Variants in TUBB8 observed in about 807,000 individuals in gnomAD.
TUBB8 encodes the protein tubulin beta-8 chain.
A neutral mutation model predicts 33.7 loss-of-function variants in TUBB8; 25 were observed. The observed-to-expected ratio is 0.74, with a 90% CI of 0.54 to 1.04. The LOEUF (loss-of-function observed/expected upper bound fraction) is 1.04. TUBB8 is among the 50% of genes least tolerant of loss of function. The pLI is 0.00. For synonymous variants in TUBB8, 245 were observed against 240.1 expected (o/e 1.02, Z -0.19); for missense variants, 279 against 608.0 (o/e 0.46, Z 5.69).
chr10:70,560 A>G (rs111659625), intron 1 of TUBB8, among the ~76,000 whole-genome samples: 343 of 152,318 alleles, frequency 2.3e-3, no homozygotes, highest in African/African-American at 7.6e-3. Context: ...GTCAAATAAG[A>G]GAAACTTATT....
At chr10:68,564 C>A (rs1490475621) in intron 1 of TUBB8, among the ~76,000 whole-genome samples, 1 of 152,214 alleles carries the variant, frequency 6.6e-6, no homozygotes, top group Non-Finnish European at 1.5e-5. Flanking sequence ...GATGCCATCT[C>A]TGCTTTACTG....
chr10:53,965 T>C (rs1241020701), upstream of TUBB8, among the ~76,000 whole-genome samples: 1 of 152,144 alleles, frequency 6.6e-6, no homozygotes, highest in South Asian at 2.1e-4. Flanking sequence ...CATACTTTGA[T>C]ACAGGCATGC....
intron 1 of TUBB8, among the ~76,000 whole-genome samples, chr10:71,868 C>A (rs1399524727): frequency 6.6e-6 from 1 of 151,674 alleles, no homozygotes; most frequent in Non-Finnish European, 1.5e-5. Flanking sequence ...CATGATCACA[C>A]CACCGCACTC....
chr10:57,664 C>A (rs1554740342), intron 1 of TUBB8, among the ~76,000 whole-genome samples: 1 of 152,186 alleles, frequency 6.6e-6, no homozygotes, highest in Non-Finnish European at 1.5e-5. Flanking sequence ...GAGCCATGTT[C>A]TAAGGCTACC....
chr10:50,572 T>G (rs1160243034), upstream of TUBB8, among the ~76,000 whole-genome samples: 2 of 152,166 alleles, frequency 1.3e-5, no homozygotes, highest in African/African-American at 4.8e-5. Context: ...ACTCACTTTT[T>G]GGCAGCAAAG....
chr10:72,254 T>TAAAAAA (rs34999592), intron 1 of TUBB8, among the ~76,000 whole-genome samples: 515 of 124,436 alleles, frequency 4.1e-3, no homozygotes, highest in African/African-American at 0.015. Flanking sequence ...TTTTTTTAAT[T>TAAAAAA]AAAAAAAAAA....
upstream of TUBB8, among the ~76,000 whole-genome samples, chr10:75,272 C>G (rs1423914773): frequency 1.3e-5 from 2 of 151,976 alleles, no homozygotes; most frequent in Admixed American, 6.6e-5. Flanking sequence ...TTGCTGGAGC[C>G]CAGGACACCG....
At chr10:51,357 C>T (rs1377840090), upstream of TUBB8, among the ~76,000 whole-genome samples, 3 of 152,274 alleles carry the variant, frequency 2.0e-5, no homozygotes, top group East Asian at 5.8e-4. Flanking sequence ...CATCCACTGC[C>T]TTGGACTCCC....
intron 1 of TUBB8, among the ~76,000 whole-genome samples, chr10:64,895 G>A (rs1834649695): frequency 6.6e-6 from 1 of 150,462 alleles, no homozygotes; most frequent in Non-Finnish European, 1.5e-5. Flanking sequence ...ACAGCACTTT[G>A]GGAGGCAGAA....
In TUBB8 at chr10:47,470, C is replaced by T. The variant is rs782575307; in HGVS notation, c.922G>A (p.Gly308Ser). ...NMMAACDPRH[G>S]RYLTAAAIFR... ...ATGGCAGCCGCCGTTAGGTAGCGGC[C>T]GTGACGGGGGTCACAGGCAGCCATC... The change falls in exon 4 of 4, where the codon GGC becomes AGC. Residue 308 changes from glycine to serine, a missense_variant. Physicochemically the swap from Gly to Ser is moderately conservative, Grantham distance 56. Coordinates refer to ENST00000568584, the MANE Select transcript of TUBB8 (RefSeq NM_177987.3). 3.9e-5 allele frequency: 63 copies of T among 1,612,292 alleles called. No homozygotes were observed. Among genetic ancestry groups the T allele is most frequent in the Middle Eastern group, 2.1e-4 (1 of 4,674 alleles).
chr10:48,559 G>A, intron 3 of TUBB8, 56 bp downstream of exon 3: 1 of 1,494,724 alleles, frequency 6.7e-7, no homozygotes, highest in Non-Finnish European at 9.3e-7. Flanking sequence ...GCACACTCCT[G>A]GATTTTGAGC....
chr10:64,367 C>T (rs1201172038), intron 1 of TUBB8, among the ~76,000 whole-genome samples: 2 of 151,558 alleles, frequency 1.3e-5, no homozygotes, highest in African/African-American at 2.4e-5. Context: ...ACCCCCAACC[C>T]CAACCCTTAA....
At chr10:72,216 A>C (rs1318576557) in intron 1 of TUBB8, among the ~76,000 whole-genome samples, 3 of 149,724 alleles carry the variant, frequency 2.0e-5, no homozygotes, top group East Asian at 4.0e-4. Context: ...CAGGAGCTAA[A>C]CTCTGTCTCA....
chr10:59,843 C>G (rs1554740651), intron 1 of TUBB8, among the ~76,000 whole-genome samples: 1 of 152,098 alleles, frequency 6.6e-6, no homozygotes. Context: ...GGATTTTTTC[C>G]TAGTTCACTC....
chr10:49,424 G>A (rs1389044018), upstream of TUBB8: 11 of 715,156 alleles, frequency 1.5e-5, no homozygotes, highest in African/African-American at 1.7e-5. Flanking sequence ...ATCCCCTGGC[G>A]CTGAACATCT....
chr10:47,417 C>T lies in TUBB8; in HGVS notation c.975G>A (p.Glu325=). 1 of 1,612,422 alleles carries T rather than the reference C, an allele frequency of 6.2e-7. No individual in the cohort carries two copies. The highest frequency in any genetic ancestry group is 8.5e-7 in the Non-Finnish European group (1 of 1,179,956). ...AIFRGRMPMR[E]VDEQMFNIQD... is the part of the protein sequence containing the mutation. ...GAATGTTGAACATTTGTTCATCCAC[C>T]TCCCTCATGGGCATGCGACCCCTGA... The change falls in exon 4 of 4, where the codon GAG becomes GAA. Residue 325 remains glutamate (E), a synonymous_variant. Coordinates refer to ENST00000568584, the MANE Select transcript of TUBB8 (RefSeq NM_177987.3).
intron 1 of TUBB8, among the ~76,000 whole-genome samples, chr10:67,860 C>T (rs1834690964): frequency 6.6e-6 from 1 of 152,218 alleles, no homozygotes; most frequent in Non-Finnish European, 1.5e-5. Context: ...GCATGAATCT[C>T]CTGGGCTCAA....
At chr10:68,679 T>A in intron 1 of TUBB8, among the ~76,000 whole-genome samples, 1 of 152,230 alleles carries the variant, frequency 6.6e-6, no homozygotes, top group Non-Finnish European at 1.5e-5. Context: ...TCTCTTAGAT[T>A]CCTCAGCAGT....
chr10:60,303 G>A (rs1299929785), intron 1 of TUBB8, among the ~76,000 whole-genome samples: 9 of 151,430 alleles, frequency 5.9e-5, no homozygotes, highest in African/African-American at 9.7e-5. Flanking sequence ...TACAAAATGG[G>A]AGAAAATTTT....
Sources: allele counts gnomAD v4.1 joint callset (sites outside exome capture counted in the v4.1 genomes callset), GRCh38; gene constraint gnomAD v4.1.1; transcripts MANE v1.5; gene names NCBI Gene and HGNC (gene_info 2026-07-23, HGNC 2026-07-21).